The following C2orf76 variants were observed in gnomAD, a reference collection of about 807,000 sequenced individuals.
C2orf76 encodes the protein UPF0538 protein C2orf76.
C2orf76 carries 23 observed loss-of-function variants against 16.9 expected under a neutral mutation model. The observed-to-expected ratio is 1.36, with a 90% CI of 0.98 to 1.93. C2orf76 has a LOEUF of 1.93. C2orf76 is among the 30% of genes most tolerant of loss of function. The pLI is 0.00. For synonymous variants in C2orf76, 48 were observed against 52.3 expected (o/e 0.92, Z 0.35); for missense variants, 152 against 152.6 (o/e 1.00, Z 0.02).
At chr2:119,291,095 G>A in the C2orf76 span, among the ~76,000 whole-genome samples, 2 of 151,944 alleles carry the variant, frequency 1.3e-5, no homozygotes, top group Non-Finnish European at 2.9e-5. Flanking sequence ...GCGGACAAGT[G>A]CAGAGCCACT....
intron 5 of C2orf76, among the ~76,000 whole-genome samples, chr2:119,304,237 A>T (rs1678707233): frequency 6.6e-6 from 1 of 152,248 alleles, no homozygotes; most frequent in Admixed American, 6.5e-5. Flanking sequence ...TGTTCTTAAT[A>T]ATCACAGAGC....
chr2:119,365,203 T>C (rs916150464), intron 1 of C2orf76, among the ~76,000 whole-genome samples: 1 of 152,210 alleles, frequency 6.6e-6, no homozygotes, highest in African/African-American at 2.4e-5. Flanking sequence ...ACCTGCTGAC[T>C]AGGAGATGTA....
chr2:119,306,094 G>C (rs767904456), intron 5 of C2orf76, among the ~76,000 whole-genome samples: 2 of 152,120 alleles, frequency 1.3e-5, no homozygotes, highest in Admixed American at 6.6e-5. Context: ...TCCTGGGTCC[G>C]ACACCCACAT....
chr2:119,344,861 C>G (rs988631893), intron 1 of C2orf76, among the ~76,000 whole-genome samples: 1 of 152,174 alleles, frequency 6.6e-6, no homozygotes, highest in South Asian at 2.1e-4. Context: ...AGAAGTCAGA[C>G]TTAAGATTAT....
chr2:119,367,004 T>C, upstream of C2orf76: 1 of 1,613,112 alleles, frequency 6.2e-7, no homozygotes, highest in Middle Eastern at 1.7e-4. Context: ...CGCTTCCTGG[T>C]CCTCGCCTCC....
the C2orf76 span, among the ~76,000 whole-genome samples, chr2:119,282,684 G>A: frequency 6.6e-6 from 1 of 152,216 alleles, no homozygotes; most frequent in Non-Finnish European, 1.5e-5. Context: ...AGGATTAAGC[G>A]GGGTGTTTGG....
At chr2:119,291,202 A>G in the C2orf76 span, among the ~76,000 whole-genome samples, 1 of 151,998 alleles carries the variant, frequency 6.6e-6, no homozygotes, top group Non-Finnish European at 1.5e-5. Context: ...GGCAAGATGT[A>G]AAGATGAACG....
At chr2:119,326,963 C>T (rs1338625407) in intron 2 of C2orf76, among the ~76,000 whole-genome samples, 1 of 152,140 alleles carries the variant, frequency 6.6e-6, no homozygotes, top group African/African-American at 2.4e-5. Flanking sequence ...GTATAGATTT[C>T]ATAGGATTTT....
chr2:119,311,123 G>A (rs1348527052), intron 5 of C2orf76: 1 of 977,536 alleles, frequency 1.0e-6, no homozygotes, highest in Non-Finnish European at 1.2e-6. Flanking sequence ...ATTCTAGGCT[G>A]GAAGGCCCAA....
At chr2:119,284,465 T>C in the C2orf76 span, among the ~76,000 whole-genome samples, 1 of 152,154 alleles carries the variant, frequency 6.6e-6, no homozygotes, top group African/African-American at 2.4e-5. Context: ...CCTGCACTCC[T>C]GCGTCCCTGT....
chr2:119,339,237 T>G (rs1679946268), intron 2 of C2orf76, among the ~76,000 whole-genome samples: 1 of 152,186 alleles, frequency 6.6e-6, no homozygotes, highest in Non-Finnish European at 1.5e-5. Flanking sequence ...ATTTTAGATG[T>G]TTTCTCAAAG....
intron 1 of C2orf76, among the ~76,000 whole-genome samples, chr2:119,355,957 G>A (rs946522769): frequency 6.6e-5 from 10 of 152,146 alleles, no homozygotes; most frequent in East Asian, 5.8e-4. Flanking sequence ...AAACCATGAC[G>A]AGTCTGAAGA....
intron 4 of C2orf76, among the ~76,000 whole-genome samples, chr2:119,314,113 G>A (rs13016753): frequency 0.18 from 25,828 of 143,428 alleles, 2,668 homozygotes; most frequent in Middle Eastern, 0.33. Context: ...ATCTCATATC[G>A]TTTCTCAGTT....
At chr2:119,314,024 T>G (rs937292392) in intron 4 of C2orf76, among the ~76,000 whole-genome samples, 12 of 148,842 alleles carry the variant, frequency 8.1e-5, no homozygotes, top group Admixed American at 4.0e-4. Flanking sequence ...GTTTTTTTTT[T>G]TTTTTTTTTT....
rs753802430 is a variant in C2orf76 at position 119,311,610 on chromosome 2, C to T, written c.304+12G>A. The T allele has an allele frequency of 7.3e-5, 117 of 1,612,186 alleles. No homozygotes were observed. The highest frequency in any genetic ancestry group is 1.6e-4 in the Middle Eastern group (1 of 6,068). On this transcript the variant is annotated intron_variant, in intron 5 of 5. Transcript: ENST00000334816. ...AGGTCCCCCTCCAGCAACACAAGGC[C>T]CCCTTCCTCACCGATTCCAGCTGCT...
chr2:119,321,112 A>C (rs1375440027), intron 3 of C2orf76, 42 bp downstream of exon 3: 1 of 1,045,414 alleles, frequency 9.6e-7, no homozygotes, highest in Non-Finnish European at 1.3e-6. Flanking sequence ...CTAATGCAAA[A>C]TTGTATTTAT....
chr2:119,365,062 T>C (rs965386802), intron 1 of C2orf76, among the ~76,000 whole-genome samples: 1 of 152,062 alleles, frequency 6.6e-6, no homozygotes, highest in Non-Finnish European at 1.5e-5. Flanking sequence ...ACAGCCTAGG[T>C]AAAAGAGTGA....
At chr2:119,336,671 G>A (rs1016951341) in intron 2 of C2orf76, among the ~76,000 whole-genome samples, 2 of 151,822 alleles carry the variant, frequency 1.3e-5, no homozygotes, top group Admixed American at 6.6e-5. Context: ...GAGGGAGGAG[G>A]ATCGAAAAAT....
downstream of C2orf76, among the ~76,000 whole-genome samples, chr2:119,297,406 T>C (rs1227971593): frequency 1.3e-5 from 2 of 152,190 alleles, no homozygotes; most frequent in Non-Finnish European, 1.5e-5. Flanking sequence ...AAATAACATA[T>C]GTGCAAAAAA....
Sources: allele counts gnomAD v4.1 joint callset (sites outside exome capture counted in the v4.1 genomes callset), GRCh38; gene constraint gnomAD v4.1.1; transcripts MANE v1.5; gene names NCBI Gene and HGNC (gene_info 2026-07-23, HGNC 2026-07-21).